Variants in RFWD3 observed in about 807,000 individuals in gnomAD.
The protein encoded by RFWD3 is ring finger and WD repeat domain 3, also known as E3 ubiquitin-protein ligase RFWD3.
Under a neutral mutation model 87.7 loss-of-function variants are expected in RFWD3, and 65 were observed. That is an observed-to-expected ratio of 0.74 (90% CI 0.61 to 0.91). The LOEUF is 0.91. Among genes scored for constraint, RFWD3 ranks in the 40% least tolerant of loss-of-function variants. The pLI, the probability that RFWD3 is intolerant of heterozygous loss-of-function variation, is 0.00. For missense variants in RFWD3, 1,078 were observed against 938.5 expected (o/e 1.15, Z -1.94); for synonymous variants, 433 against 352.8 (o/e 1.23, Z -2.55).
intron 3 of RFWD3, 146 bp from the exon 4 acceptor site, chr16:74,649,348 C>T (rs1960405072): frequency 3.7e-6 from 2 of 542,792 alleles, no homozygotes; most frequent in South Asian, 4.4e-5. Flanking sequence ...TGACAACTTC[C>T]CCAGGTACCA....
At chr16:74,644,081 G>T in intron 6 of RFWD3, 1 of 486,706 alleles carries the variant, frequency 2.1e-6, no homozygotes, top group Non-Finnish European at 3.7e-6. Flanking sequence ...GCTGTGGCGG[G>T]GGGTGGTCAG....
chr16:74,663,009 A>C (rs1452397995), intron 1 of RFWD3, among the ~76,000 whole-genome samples: 2 of 150,256 alleles, frequency 1.3e-5, no homozygotes, highest in African/African-American at 4.9e-5. Context: ...GGTTCACGCC[A>C]TTCTCCTGCC....
chr16:74,664,927 A>G (rs568486403), intron 1 of RFWD3, among the ~76,000 whole-genome samples: 1 of 152,146 alleles, frequency 6.6e-6, no homozygotes, highest in South Asian at 2.1e-4. Flanking sequence ...CTTCCTAACC[A>G]CTGTAGGCCA....
intron 4 of RFWD3, among the ~76,000 whole-genome samples, chr16:74,646,408 G>C (rs75177685): frequency 0.018 from 2,785 of 152,000 alleles, 37 homozygotes; most frequent in Non-Finnish European, 0.028. Context: ...TTTATATAAA[G>C]AAAAAAAATA....
chr16:74,637,045 G>A (rs2144122636), intron 7 of RFWD3, among the ~76,000 whole-genome samples: 1 of 142,718 alleles, frequency 7.0e-6, no homozygotes, highest in African/African-American at 2.6e-5. Flanking sequence ...ATTTCAACAA[G>A]CAAGTGAAAT....
rs184576735 is a variant in RFWD3, at chr16:74,626,199, C to T, written c.2181+144G>A. On this transcript the variant is annotated intron_variant, in intron 12 of 12. Transcript: ENST00000361070. ...TGGAAACCAAGCAATCTCACATACA[C>T]ACATATGCGGATATGTGGGATTACA... is the stretch of plus-strand genomic sequence containing the variant. The T allele has an allele frequency of 1.2e-4, 84 of 704,800 alleles. No homozygotes were observed. In the African/African-American group the frequency reaches 1.4e-3, roughly 12 times the overall value. The allele number at this position is 704,800 out of a possible 1,614,324, so 43.7% of individuals were successfully genotyped here. A position where few individuals can be genotyped will look rare whatever the true frequency, so the allele number is the denominator to read the frequency against.
rs764903046 is a variant in RFWD3, at chr16:74,626,525, G to A, written c.1999C>T (p.Leu667=). ...TCCAGTCGGTAGGACATTTCCATCA[G>A]CACACTTCGTATGGTGGTGTGATTT... ...DKNHTTIRSV[L]MEMSYRLDDT... The change falls in exon 12 of 13, where the codon CTG becomes TTG. Residue 667 remains leucine (L), a synonymous_variant. Coordinates refer to ENST00000361070, the MANE Select transcript of RFWD3 (RefSeq NM_018124.4). 6.2e-7 allele frequency: 1 copy of A among 1,614,034 alleles called. No individual in the cohort carries two copies.
rs1960455900 is a variant in RFWD3, at chr16:74,650,144, T to C, written c.722-942A>G. Among the ~76,000 whole-genome samples the C allele has an allele frequency of 2.0e-5, 3 of 152,298 alleles. No homozygotes were observed. The South Asian group carries it at 6.2e-4, about 32-fold the overall frequency. ...TTACTGTTACATAAAACATTAAAAA[T>C]TGTCCCCACTGATTTGAGATATTCC... On this transcript the variant is annotated intron_variant, in intron 3 of 12. Transcript: ENST00000361070.
intron 8 of RFWD3, 108 bp downstream of exon 8, chr16:74,636,238 G>A (rs937733876): frequency 2.1e-6 from 2 of 964,786 alleles, no homozygotes; most frequent in Non-Finnish European, 3.2e-6. Context: ...GGAACTAATA[G>A]GGAAAGGTGA....
chr16:74,629,665 CAA>C (rs75932415), intron 10 of RFWD3, among the ~76,000 whole-genome samples: 1 of 143,706 alleles, frequency 7.0e-6, no homozygotes. Flanking sequence ...CTACCACCAA[CAA>C]AAAAAAAAAA....
Position 74,661,031 on chromosome 16 carries a change from G to A in RFWD3, c.419C>T (p.Ser140Leu), listed in dbSNP as rs1436891112. ...LHGMLEFLRP[S>L]SSNHSVGPMR... ...TGGCCCTACACTGTGGTTTGAAGAT[G>A]AAGGTCTCAGGAATTCCAGCATGCC... The change falls in exon 2 of 13, where the codon TCA (serine) becomes TTA (leucine). Residue 140 changes from serine to leucine, a missense_variant. Transcript: ENST00000361070. The A allele has an allele frequency of 1.2e-6, 2 of 1,614,192 alleles. No individual in the cohort carries two copies. The highest frequency in any genetic ancestry group is 3.3e-5 in the Admixed American group (2 of 60,028).
chr16:74,643,842 A>AT (rs1218042727), intron 6 of RFWD3: 1 of 162,130 alleles, frequency 6.2e-6, no homozygotes. Flanking sequence ...TGCCCGGCTA[A>AT]TTTTTTTGTA....
At chr16:74,662,565 C>G (rs1961535867) in intron 1 of RFWD3, among the ~76,000 whole-genome samples, 1 of 152,180 alleles carries the variant, frequency 6.6e-6, no homozygotes, top group Non-Finnish European at 1.5e-5. Flanking sequence ...GGGAAGTACT[C>G]TTTTAAAGAG....
intron 6 of RFWD3, among the ~76,000 whole-genome samples, chr16:74,638,669 C>T (rs997035908): frequency 2.0e-5 from 3 of 152,154 alleles, no homozygotes; most frequent in South Asian, 2.1e-4. Context: ...AGTTTAGCAA[C>T]GCTGCTGGAC....
At position 74,652,093 on chromosome 16, in the gene RFWD3, T is replaced by C. The variant is rs1381562530; in HGVS notation, c.548A>G (p.Gln183Arg). 1.2e-6 allele frequency: 2 copies of C among 1,614,120 alleles called. No homozygotes were observed. The highest frequency in any genetic ancestry group is 1.7e-6 in the Non-Finnish European group (2 of 1,180,030). The change falls in exon 3 of 13, where the codon CAG (glutamine) becomes CGG (arginine). Residue 183 changes from glutamine (Q) to arginine (R), a missense_variant. Gln to Arg is a conservative substitution (Grantham distance 43). Coordinates refer to ENST00000361070, the MANE Select transcript of RFWD3 (RefSeq NM_018124.4). ...CAAGTCAGGCTGGGTCCTGCTCACC[T>C]GAAAGTAAGCATCCAATGGTGCTCT... The part of the protein sequence containing the change: ...RLRAPLDAYF[Q>R]VSRTQPDLPA...
chr16:74,631,867 G>A (rs1959105978), intron 9 of RFWD3, among the ~76,000 whole-genome samples: 2 of 152,032 alleles, frequency 1.3e-5, no homozygotes, highest in Admixed American at 1.3e-4. Flanking sequence ...CTGATTGCCT[G>A]CCTCGGCCTC....
intron 3 of RFWD3, among the ~76,000 whole-genome samples, chr16:74,650,858 CAG>C (rs1279430964): frequency 6.7e-6 from 1 of 149,784 alleles, no homozygotes; most frequent in African/African-American, 2.5e-5. Flanking sequence ...ACCTGGGGGA[CAG>C]AGTGTAACCC....
chr16:74,627,062 C>G (rs2144029097), intron 11 of RFWD3, among the ~76,000 whole-genome samples: 1 of 152,284 alleles, frequency 6.6e-6, no homozygotes, highest in Non-Finnish European at 1.5e-5. Context: ...GCTTTGTACA[C>G]CAGTCACAAC....
chr16:74,659,622 T>C (rs748950889), intron 2 of RFWD3, among the ~76,000 whole-genome samples: 2 of 149,362 alleles, frequency 1.3e-5, no homozygotes, highest in African/African-American at 2.5e-5. Context: ...CCCAGAGTAA[T>C]ATGCATTTGC....
Sources: allele counts gnomAD v4.1 joint callset (sites outside exome capture counted in the v4.1 genomes callset), GRCh38; gene constraint gnomAD v4.1.1; transcripts MANE v1.5; gene names NCBI Gene and HGNC (gene_info 2026-07-23, HGNC 2026-07-21).